The following AKAP13 variants were observed in gnomAD, a reference collection of about 807,000 sequenced individuals.
AKAP13 encodes A-kinase anchoring protein 13.
AKAP13 carries 80 observed loss-of-function variants against 264.5 expected under a neutral mutation model. The observed-to-expected ratio is 0.30, with a 90% confidence interval of 0.25 to 0.36. The LOEUF (loss-of-function observed/expected upper bound fraction) is 0.36, where lower values mean the gene tolerates loss of function less well. Among genes scored for constraint, AKAP13 ranks in the 10% least tolerant of loss-of-function variants. The pLI, the probability that AKAP13 is intolerant of heterozygous loss-of-function variation, is 1.00. For synonymous variants in AKAP13, 1,380 were observed against 1,250.2 expected (o/e 1.10, Z -2.19); for missense variants, 3,712 against 3,435.2 (o/e 1.08, Z -2.01).
At chr15:85,662,326 C>T (rs1596961722) in intron 12 of AKAP13, 1 of 1,563,716 alleles carries the variant, frequency 6.4e-7, no homozygotes, top group Non-Finnish European at 8.8e-7. Context: ...AACCTAATAA[C>T]CCCATTCCTG....
intron 35 of AKAP13, among the ~76,000 whole-genome samples, chr15:85,741,922 A>G (rs935445915): frequency 2.0e-5 from 3 of 152,006 alleles, no homozygotes; most frequent in African/African-American, 7.2e-5. Context: ...GCAGGCGCCT[A>G]TAATCCCAGC....
chr15:85,554,190 G>A (rs1303493455), intron 5 of AKAP13, among the ~76,000 whole-genome samples: 1 of 152,120 alleles, frequency 6.6e-6, no homozygotes, highest in Admixed American at 6.6e-5. Context: ...GCTGAACTTG[G>A]TGTGTCCCTA....
At chr15:85,400,116 TG>T (rs1482344167) in intron 1 of AKAP13, among the ~76,000 whole-genome samples, 1 of 152,158 alleles carries the variant, frequency 6.6e-6, no homozygotes, top group Non-Finnish European at 1.5e-5. Context: ...CTTTTAGTTC[TG>T]GGCCAGGCTC....
chr15:85,681,725 T>C (rs2084610612), intron 14 of AKAP13, among the ~76,000 whole-genome samples: 1 of 150,966 alleles, frequency 6.6e-6, no homozygotes, highest in African/African-American at 2.4e-5. Context: ...AGAGATGAGC[T>C]AGATCTTATA....
In AKAP13 at chr15:85,495,261, GT is replaced by G. The variant is rs2075838800; in HGVS notation, c.33+9510del. Among the ~76,000 whole-genome samples, 4 of 152,066 alleles carry G rather than the reference GT, an allele frequency of 2.6e-5. No homozygotes were observed. In the South Asian group the frequency reaches 8.3e-4, roughly 32 times the overall value. On this transcript the variant is annotated intron_variant, in intron 2 of 36. Coordinates refer to ENST00000394518, the MANE Select transcript of AKAP13 (RefSeq NM_007200.5). ...CATGGTTCTTTGATGCTTTTTCTGT[GT>G]TAGAATAATGTTCTTTACTGGTTTC...
chr15:85,487,688 C>T (rs998000213), intron 2 of AKAP13, among the ~76,000 whole-genome samples: 3 of 151,466 alleles, frequency 2.0e-5, no homozygotes, highest in African/African-American at 7.3e-5. Flanking sequence ...ACCTCAACCT[C>T]CTGAGTAGCT....
At chr15:85,398,397 G>A (rs2071225992) in intron 1 of AKAP13, among the ~76,000 whole-genome samples, 1 of 152,044 alleles carries the variant, frequency 6.6e-6, no homozygotes, top group Non-Finnish European at 1.5e-5. Flanking sequence ...AAAATTGTTG[G>A]GTATAATTTT....
intron 8 of AKAP13, among the ~76,000 whole-genome samples, chr15:85,600,898 T>C (rs2151362560): frequency 6.6e-6 from 1 of 152,346 alleles, no homozygotes; most frequent in South Asian, 2.1e-4. Flanking sequence ...CTTACAATTA[T>C]TGGAACATTT....
chr15:85,420,326 C>G (rs931319276), intron 1 of AKAP13, among the ~76,000 whole-genome samples: 1 of 151,862 alleles, frequency 6.6e-6, no homozygotes, highest in African/African-American at 2.4e-5. Context: ...CTTCTTTTGT[C>G]TGCTGAGCTG....
chr15:85,652,625 T>C (rs1052655537), intron 10 of AKAP13, among the ~76,000 whole-genome samples: 3 of 152,154 alleles, frequency 2.0e-5, no homozygotes, highest in Non-Finnish European at 4.4e-5. Flanking sequence ...TACTGGAAGC[T>C]GGGCGGCTGA....
intron 3 of AKAP13, among the ~76,000 whole-genome samples, chr15:85,526,328 C>G (rs2077041254): frequency 6.6e-6 from 1 of 152,084 alleles, no homozygotes; most frequent in Non-Finnish European, 1.5e-5. Flanking sequence ...GGCACAATCA[C>G]AGATCATTGC....
chr15:85,442,697 C>T lies in AKAP13; in HGVS notation c.-11-43013C>T, dbSNP rs541517187. ...CAAGTATGAAGAAAAAACTTTCTTC[C>T]CCTATCATTGCCATCCTGATTTTGG... On this transcript the variant is annotated intron_variant, in intron 1 of 36. Transcript: ENST00000394518. 2.6e-4 allele frequency among the ~76,000 whole-genome samples: 40 copies of T among 151,160 alleles called. No individual in the cohort carries two copies. In the South Asian group the frequency reaches 7.5e-3, roughly 28 times the overall value.
At chr15:85,740,130 A>G (rs2088846388) in intron 33 of AKAP13, 92 bp from the exon 34 acceptor site, 2 of 1,319,514 alleles carry the variant, frequency 1.5e-6, no homozygotes, top group African/African-American at 1.5e-5. Context: ...TTGTATCTTA[A>G]AGGAGCCATC....
chr15:85,650,773 A>AC (rs2082780155), intron 10 of AKAP13, among the ~76,000 whole-genome samples: 1 of 143,142 alleles, frequency 7.0e-6, no homozygotes, highest in African/African-American at 2.6e-5. Context: ...AAAAAAAAAA[A>AC]AAAAAAAAAA....
chr15:85,440,554 G>A (rs1567058272), intron 1 of AKAP13, among the ~76,000 whole-genome samples: 1 of 152,116 alleles, frequency 6.6e-6, no homozygotes, highest in Non-Finnish European at 1.5e-5. Context: ...ATATTCATCA[G>A]TAAAAAATGT....
intron 1 of AKAP13, among the ~76,000 whole-genome samples, chr15:85,472,147 A>G (rs1018560801): frequency 2.0e-5 from 3 of 151,930 alleles, no homozygotes; most frequent in African/African-American, 7.2e-5. Flanking sequence ...TAACAATGCT[A>G]TGGTGAAGAA....
At chr15:85,411,727 G>A (rs1443336725) in intron 1 of AKAP13, among the ~76,000 whole-genome samples, 10 of 152,158 alleles carry the variant, frequency 6.6e-5, no homozygotes, top group Non-Finnish European at 1.3e-4. Flanking sequence ...GTGAGCCACC[G>A]CGCCCGGCCA....
intron 3 of AKAP13, among the ~76,000 whole-genome samples, chr15:85,524,895 G>GTGTGTGTGTGTGTGTGTGTC (rs1253728213): frequency 4.6e-5 from 7 of 151,360 alleles, no homozygotes; most frequent in African/African-American, 1.7e-4. Flanking sequence ...GTGTGTGTGT[G>GTGTGTGTGTGTGTGTGTGTC]TGTGTGTCTG....
chr15:85,604,466 C>CTTTTTT (rs781662004), intron 8 of AKAP13, among the ~76,000 whole-genome samples: 1 of 140,168 alleles, frequency 7.1e-6, no homozygotes, highest in Non-Finnish European at 1.6e-5. Context: ...GCTGCTGCTG[C>CTTTTTT]TTTTTTTTTT....
Sources: allele counts gnomAD v4.1 joint callset (sites outside exome capture counted in the v4.1 genomes callset), GRCh38; gene constraint gnomAD v4.1.1; transcripts MANE v1.5; gene names NCBI Gene and HGNC (gene_info 2026-07-23, HGNC 2026-07-21).